CCDC3: variants seen among roughly 807,000 people sequenced by gnomAD.
CCDC3 encodes the protein coiled-coil domain containing 3, also known as coiled-coil domain-containing protein 3.
In CCDC3, 24 loss-of-function variants were observed where a neutral mutation model predicts 21.4. The observed-to-expected ratio is 1.12, with a 90% CI of 0.81 to 1.58. The LOEUF (loss-of-function observed/expected upper bound fraction) is 1.58. Among genes scored for constraint, CCDC3 ranks in the 40% most tolerant of loss-of-function variants. CCDC3 has a pLI of 0.00. For missense variants in CCDC3, 425 were observed against 360.9 expected (o/e 1.18, Z -1.44); for synonymous variants, 186 against 166.0 (o/e 1.12, Z -0.93).
intron 5 of CCDC3, among the ~76,000 whole-genome samples, chr10:13,017,545 A>G (rs1460960453): frequency 1.3e-5 from 2 of 151,722 alleles, no homozygotes; most frequent in Non-Finnish European, 2.9e-5. Flanking sequence ...AAGAAAAGAA[A>G]AGAAAAAAGG....
chr10:13,076,668 A>T (rs907111557), intron 3 of CCDC3, among the ~76,000 whole-genome samples: 2 of 152,232 alleles, frequency 1.3e-5, no homozygotes, highest in Non-Finnish European at 2.9e-5. Context: ...TTTAACCAAG[A>T]TATCTGTGCT....
At chr10:12,911,989 G>T (rs1388449966) in intron 2 of CCDC3, among the ~76,000 whole-genome samples, 1 of 152,026 alleles carries the variant, frequency 6.6e-6, no homozygotes, top group Non-Finnish European at 1.5e-5. Context: ...TTTTTTAAGG[G>T]TGCATAGTAT....
chr10:13,048,183 G>T (rs1396997482), intron 5 of CCDC3, among the ~76,000 whole-genome samples: 1 of 151,966 alleles, frequency 6.6e-6, no homozygotes, highest in Non-Finnish European at 1.5e-5. Flanking sequence ...TTTTGGCAGA[G>T]TGAATTGAGG....
intron 2 of CCDC3, among the ~76,000 whole-genome samples, chr10:12,953,619 G>A (rs1350303558): frequency 6.6e-6 from 1 of 152,218 alleles, no homozygotes; most frequent in African/African-American, 2.4e-5. Flanking sequence ...TCTGCTGTGA[G>A]TCTTACTGCT....
At chr10:13,000,368 ATTCTT>A (rs752643981) in intron 1 of CCDC3, among the ~76,000 whole-genome samples, 1 of 152,148 alleles carries the variant, frequency 6.6e-6, no homozygotes, top group African/African-American at 2.4e-5. Flanking sequence ...AATTGACTGA[ATTCTT>A]AGGCAGATGC....
upstream of CCDC3, among the ~76,000 whole-genome samples, chr10:13,004,802 C>T (rs1223882522): frequency 6.6e-6 from 1 of 152,026 alleles, no homozygotes; most frequent in East Asian, 1.9e-4. Flanking sequence ...TGTTTATGGG[C>T]TCATTGAGTA....
chr10:12,929,124 C>T (rs372224050), intron 2 of CCDC3, among the ~76,000 whole-genome samples: 38 of 151,918 alleles, frequency 2.5e-4, no homozygotes, highest in South Asian at 4.2e-4. Context: ...TAGCTGGGCG[C>T]GATGGCAGGC....
At chr10:13,085,966 T>TA (rs60901983) in intron 3 of CCDC3, among the ~76,000 whole-genome samples, 30,874 of 138,250 alleles carry the variant, frequency 0.22, 3,496 homozygotes, top group East Asian at 0.32. Flanking sequence ...GACTCCCTCT[T>TA]AAAAAAAAAA....
intron 5 of CCDC3, among the ~76,000 whole-genome samples, chr10:13,025,510 G>A (rs1225601431): frequency 1.3e-5 from 2 of 152,194 alleles, no homozygotes; most frequent in Non-Finnish European, 2.9e-5. Flanking sequence ...TTGAACAAAT[G>A]ACTTAGGGCG....
At chr10:12,948,795 T>TGCG (rs1330628768) in intron 2 of CCDC3, among the ~76,000 whole-genome samples, 1 of 128,950 alleles carries the variant, frequency 7.8e-6, no homozygotes, top group Non-Finnish European at 1.6e-5. Flanking sequence ...TGCAGTGGCC[T>TGCG]ATCTCGGCTC....
intron 5 of CCDC3, among the ~76,000 whole-genome samples, chr10:13,019,039 C>T (rs1836109639): frequency 1.3e-5 from 2 of 151,820 alleles, no homozygotes; most frequent in Admixed American, 1.3e-4. Flanking sequence ...CGAGACCATC[C>T]TGGCTAACAC....
chr10:12,937,613 T>C (rs533252232), intron 2 of CCDC3, among the ~76,000 whole-genome samples: 110 of 152,232 alleles, frequency 7.2e-4, no homozygotes, highest in African/African-American at 2.5e-3. Flanking sequence ...AAAAATATTC[T>C]GAAAAAGAGC....
In CCDC3 at chr10:13,052,393, A is replaced by G. The variant is rs111262024; in HGVS notation, c.-269-2452T>C. Among the ~76,000 whole-genome samples, 321 of 152,140 alleles carry G rather than the reference A, an allele frequency of 2.1e-3. 3 individuals carry two copies. Among genetic ancestry groups the G allele is most frequent in the African/African-American group, 7.4e-3 (306 of 41,488 alleles). The stretch of plus-strand genomic sequence containing the variant: ...ATCTCAAAATTTAAAAACATCTCCA[A>G]GCTTTCTTGATTGCTTACCTGATTT... On this transcript the variant is annotated intron_variant, in intron 4 of 6. Transcript: ENST00000378839.
chr10:12,938,892 C>A (rs1888661), intron 2 of CCDC3, among the ~76,000 whole-genome samples: 1 of 151,980 alleles, frequency 6.6e-6, no homozygotes, highest in Non-Finnish European at 1.5e-5. Flanking sequence ...GGATCCATAA[C>A]CTCACCTGCG....
chr10:13,054,146 C>T (rs1217822613), intron 4 of CCDC3, among the ~76,000 whole-genome samples: 4 of 117,970 alleles, frequency 3.4e-5, no homozygotes, highest in African/African-American at 1.2e-4. Context: ...GAGAGAGAGA[C>T]TCTGTATCAA....
chr10:13,089,203 T>C (rs1837149998), intron 3 of CCDC3, among the ~76,000 whole-genome samples: 1 of 152,160 alleles, frequency 6.6e-6, no homozygotes, highest in Non-Finnish European at 1.5e-5. Flanking sequence ...CGTCTTAAAG[T>C]AGTAACTTTA....
intron 2 of CCDC3, among the ~76,000 whole-genome samples, chr10:12,965,968 C>A (rs189846630): frequency 9.2e-5 from 14 of 152,242 alleles, no homozygotes; most frequent in African/African-American, 3.4e-4. Flanking sequence ...TTTTTGATGA[C>A]CACAAATCAT....
At chr10:13,077,385 C>T (rs1588417155) in intron 3 of CCDC3, among the ~76,000 whole-genome samples, 1 of 152,292 alleles carries the variant, frequency 6.6e-6, no homozygotes, top group East Asian at 1.9e-4. Context: ...GAAGAACATT[C>T]CATGCTCATG....
chr10:12,898,418 A>AC lies in CCDC3; in HGVS notation c.810dup (p.Ter271ValfsTer21). On this transcript the variant is annotated frameshift_variant, in exon 3 of 3. Coordinates refer to ENST00000378825, the MANE Select transcript of CCDC3 (RefSeq NM_031455.4). LOFTEE classifies it high-confidence loss of function. Reference sequence around the variant, plus strand: ...ACACCTGGCAGCCCCCAGGCCCGTTACCCCCGCAGGTAGGGGGGGCGCACG... The same window carrying AC: ...ACACCTGGCAGCCCCCAGGCCCGTTACCCCCCGCAGGTAGGGGGGGCGCACG... 1 of 1,595,792 alleles carries AC rather than the reference A, an allele frequency of 6.3e-7. No homozygotes were observed. Among genetic ancestry groups the AC allele is most frequent in the Non-Finnish European group, 8.6e-7 (1 of 1,169,356 alleles).
Sources: allele counts gnomAD v4.1 joint callset (sites outside exome capture counted in the v4.1 genomes callset), GRCh38; gene constraint gnomAD v4.1.1; transcripts MANE v1.5; gene names NCBI Gene and HGNC (gene_info 2026-07-23, HGNC 2026-07-21).